The following PTPRT variants were observed in gnomAD, a reference collection of about 807,000 sequenced individuals.
PTPRT encodes protein tyrosine phosphatase receptor type T.
A neutral mutation model predicts 176.8 loss-of-function variants in PTPRT; 56 were observed. The ratio of observed to expected loss-of-function variants is 0.32; its 90% CI spans 0.26 to 0.40. The LOEUF (loss-of-function observed/expected upper bound fraction) is 0.40, where lower values mean the gene tolerates loss of function less well. Ranked by LOEUF, PTPRT falls within the 10% of genes least tolerant of loss-of-function variation. The pLI is 1.00. For missense variants in PTPRT, 1,540 were observed against 1,908.2 expected (o/e 0.81, Z 3.60); for synonymous variants, 783 against 739.0 (o/e 1.06, Z -0.96).
chr20:42,860,800 C>A (rs1202065938), intron 2 of PTPRT, among the ~76,000 whole-genome samples: 1 of 152,060 alleles, frequency 6.6e-6, no homozygotes, highest in Admixed American at 6.5e-5. Context: ...ATAATAAAAT[C>A]CTCTGCAAAT....
chr20:43,103,149 C>A (rs2012461462), intron 1 of PTPRT, among the ~76,000 whole-genome samples: 1 of 152,108 alleles, frequency 6.6e-6, no homozygotes, highest in African/African-American at 2.4e-5. Flanking sequence ...CCCAGATGTT[C>A]TCAGATCCCC....
chr20:42,274,536 AGTGTGTGTGTGTGTGTGTGTGT>A (rs529883269), intron 13 of PTPRT, among the ~76,000 whole-genome samples: 5,557 of 113,296 alleles, frequency 0.049, 136 homozygotes, highest in Middle Eastern at 0.13. Context: ...GGCCCTGTAC[AGTGTGTGTGTGTGTGTGTGTGT>A]GTGTGTGTGT....
At chr20:42,623,311 G>T (rs1260042081) in intron 7 of PTPRT, among the ~76,000 whole-genome samples, 1 of 152,188 alleles carries the variant, frequency 6.6e-6, no homozygotes, top group African/African-American at 2.4e-5. Flanking sequence ...GAGACAACCA[G>T]GGGGCCAGAG....
intron 2 of PTPRT, among the ~76,000 whole-genome samples, chr20:42,800,128 G>A (rs1006977738): frequency 6.6e-6 from 1 of 152,188 alleles, no homozygotes; most frequent in Non-Finnish European, 1.5e-5. Flanking sequence ...TCAACCCTAT[G>A]AGGTAGTGAC....
chr20:42,145,798 A>C (rs1008745500), intron 17 of PTPRT, among the ~76,000 whole-genome samples: 7 of 152,174 alleles, frequency 4.6e-5, no homozygotes, highest in African/African-American at 1.7e-4. Flanking sequence ...CTAGCTATTA[A>C]TGGGTCATAA....
intron 7 of PTPRT, among the ~76,000 whole-genome samples, chr20:42,474,165 T>C (rs1050307140): frequency 6.6e-6 from 1 of 152,172 alleles, no homozygotes; most frequent in African/African-American, 2.4e-5. Context: ...TGTGTCTACC[T>C]TGAATGCCTT....
intron 2 of PTPRT, among the ~76,000 whole-genome samples, chr20:42,866,246 G>A (rs985772207): frequency 6.6e-6 from 1 of 152,194 alleles, no homozygotes; most frequent in Non-Finnish European, 1.5e-5. Context: ...CAGAGGTAGG[G>A]TCTCTGCATG....
the PTPRT span, among the ~76,000 whole-genome samples, chr20:42,043,802 T>C: frequency 1.3e-5 from 2 of 152,222 alleles, no homozygotes; most frequent in African/African-American, 4.8e-5. Flanking sequence ...TTGTTTATTA[T>C]TAAAAAGTTT....
At chr20:42,957,742 T>C (rs1387293233) in intron 1 of PTPRT, among the ~76,000 whole-genome samples, 1 of 152,204 alleles carries the variant, frequency 6.6e-6, no homozygotes, top group African/African-American at 2.4e-5. Flanking sequence ...CTGGAAATTT[T>C]TTAACAAACT....
chr20:42,499,217 C>A (rs2064975055), intron 7 of PTPRT, among the ~76,000 whole-genome samples: 4 of 151,452 alleles, frequency 2.6e-5, no homozygotes, highest in African/African-American at 9.7e-5. Context: ...AATACTGCAT[C>A]TTTATATTTG....
At chr20:42,539,699 G>A (rs1044976949) in intron 7 of PTPRT, among the ~76,000 whole-genome samples, 9 of 147,082 alleles carry the variant, frequency 6.1e-5, no homozygotes, top group Non-Finnish European at 1.0e-4. Context: ...TCCCCAGAGA[G>A]ATAACAGACC....
At chr20:42,514,240 C>T (rs952985441) in intron 7 of PTPRT, among the ~76,000 whole-genome samples, 1 of 152,158 alleles carries the variant, frequency 6.6e-6, no homozygotes, top group Admixed American at 6.5e-5. Flanking sequence ...ATTGATCCTG[C>T]ATGTATCGGC....
chr20:42,111,450 C>T (rs1600534054), intron 22 of PTPRT, among the ~76,000 whole-genome samples: 1 of 152,104 alleles, frequency 6.6e-6, no homozygotes, highest in East Asian at 1.9e-4. Flanking sequence ...AGGCAGATGC[C>T]CAAGTGGGTA....
chr20:42,109,371 C>T (rs928886673), intron 23 of PTPRT, among the ~76,000 whole-genome samples: 36 of 152,158 alleles, frequency 2.4e-4, no homozygotes, highest in African/African-American at 8.7e-4. Flanking sequence ...GTCAGGAAGG[C>T]CATCCTCCTC....
chr20:42,321,903 C>G (rs1374863393), intron 11 of PTPRT, among the ~76,000 whole-genome samples: 1 of 152,094 alleles, frequency 6.6e-6, no homozygotes, highest in African/African-American at 2.4e-5. Flanking sequence ...AACCCCGTCT[C>G]TACTAAAAAT....
At chr20:42,735,733 A>G (rs904238219) in intron 6 of PTPRT, among the ~76,000 whole-genome samples, 3 of 151,906 alleles carry the variant, frequency 2.0e-5, no homozygotes, top group African/African-American at 7.3e-5. Flanking sequence ...CAGTCTCCCA[A>G]GGACATGGCT....
At chr20:42,797,543 T>TC (rs1276722926) in intron 2 of PTPRT, among the ~76,000 whole-genome samples, 2 of 80,122 alleles carry the variant, frequency 2.5e-5, no homozygotes, top group East Asian at 4.5e-4. Context: ...TCTCCCACCC[T>TC]CCCCCGCAAA....
chr20:42,766,340 T>C (rs1021750907), intron 5 of PTPRT, among the ~76,000 whole-genome samples: 4 of 152,184 alleles, frequency 2.6e-5, no homozygotes, highest in African/African-American at 9.7e-5. Flanking sequence ...CAAGGAGAAA[T>C]GATCCCAGGA....
At chr20:42,579,251 T>C (rs1183375210) in intron 7 of PTPRT, among the ~76,000 whole-genome samples, 1 of 152,158 alleles carries the variant, frequency 6.6e-6, no homozygotes, top group Non-Finnish European at 1.5e-5. Flanking sequence ...TCATTTTTTA[T>C]GACTGCATAG....
Sources: allele counts gnomAD v4.1 joint callset (sites outside exome capture counted in the v4.1 genomes callset), GRCh38; gene constraint gnomAD v4.1.1; transcripts MANE v1.5; gene names NCBI Gene and HGNC (gene_info 2026-07-23, HGNC 2026-07-21).